CFAP47: variants seen among roughly 807,000 people sequenced by gnomAD.
The protein encoded by CFAP47 is cilia and flagella associated protein 47.
In CFAP47, 29 loss-of-function variants were observed where a neutral mutation model predicts 148.1. The observed-to-expected ratio is 0.20, with a 90% CI of 0.15 to 0.27. The LOEUF (loss-of-function observed/expected upper bound fraction) is 0.27. Ranked by LOEUF, CFAP47 falls within the 10% of genes least tolerant of loss-of-function variation. CFAP47 has a pLI of 1.00. For missense variants in CFAP47, 1,872 were observed against 1,697.5 expected, an observed-to-expected ratio of 1.10 and a Z score of -1.81; for synonymous variants, 664 against 577.3, an observed-to-expected ratio of 1.15 and a Z score of -2.15.
At chrX:35,924,246 TGC>T (rs1491080055) in intron 1 of CFAP47, among the ~76,000 whole-genome samples, 1 of 90,728 alleles carries the variant, frequency 1.1e-5, no homozygotes, top group Admixed American at 1.2e-4. Flanking sequence ...CATGTATGTG[TGC>T]ATATGGACAT....
At chrX:36,236,174 G>A in intron 47 of CFAP47, 97 bp downstream of exon 47, 3 of 334,164 alleles carry the variant, frequency 9.0e-6, no homozygotes, top group Non-Finnish European at 1.6e-5. Context: ...TAGTACAACT[G>A]TTTAGTAGAA....
intron 47 of CFAP47, 65 bp from the exon 48 acceptor site, chrX:36,236,621 A>G: frequency 4.3e-6 from 2 of 470,163 alleles, no homozygotes; most frequent in Non-Finnish European, 7.6e-6. Context: ...AGAATAAGAT[A>G]GCAGAGGTTG....
intron 49 of CFAP47, among the ~76,000 whole-genome samples, chrX:36,266,232 C>A (rs781950979): frequency 9.1e-6 from 1 of 110,441 alleles, no homozygotes; most frequent in Non-Finnish European, 1.9e-5. Flanking sequence ...GTGACAGGCT[C>A]TTCAGCAGGG....
At chrX:36,185,865 A>G (rs782219584) in intron 40 of CFAP47, among the ~76,000 whole-genome samples, 26 of 111,341 alleles carry the variant, frequency 2.3e-4, no homozygotes, top group Non-Finnish European at 4.3e-4. Flanking sequence ...TAAGAACACT[A>G]ATTCTATTGG....
intron 51 of CFAP47, among the ~76,000 whole-genome samples, chrX:36,286,388 T>G (rs1340811729): frequency 9.2e-6 from 1 of 109,141 alleles, no homozygotes. Flanking sequence ...TAGAATTGAT[T>G]ACTTAGAATC....
chrX:36,052,608 A>G (rs914764637), intron 26 of CFAP47, among the ~76,000 whole-genome samples: 11 of 112,108 alleles, frequency 9.8e-5, no homozygotes, highest in Non-Finnish European at 2.1e-4. Flanking sequence ...TAAAACTGAG[A>G]ATATACAGCT....
intron 42 of CFAP47, among the ~76,000 whole-genome samples, chrX:36,193,518 A>T (rs782723228): frequency 9.0e-6 from 1 of 110,795 alleles, no homozygotes; most frequent in Admixed American, 9.7e-5. Context: ...TTGGGGAATG[A>T]GGATAACTAC....
rs778917425 is a variant in CFAP47, at chrX:35,939,041, T to C, written c.402-2242T>C. Among the ~76,000 whole-genome samples the C allele has an allele frequency of 2.7e-5, 3 of 111,568 alleles. No homozygotes were observed. The South Asian group carries it at 1.1e-3, about 42-fold the overall frequency. On this transcript the variant is annotated intron_variant, in intron 2 of 63. Transcript: ENST00000378653. ...CTATTTCTCCTTTTGTATAAATAAA[T>C]GGGAGAGGAATTGTGAAAAATGGGC...
intron 25 of CFAP47, among the ~76,000 whole-genome samples, chrX:36,041,783 G>A (rs957640184): frequency 2.7e-5 from 3 of 109,435 alleles, no homozygotes; most frequent in African/African-American, 1.0e-4. Context: ...ATAATTAGCC[G>A]GGCATGGTGG....
intron 29 of CFAP47, among the ~76,000 whole-genome samples, chrX:36,077,337 T>TGAATCTGTA (rs1937884177): frequency 9.4e-6 from 1 of 106,770 alleles, no homozygotes; most frequent in Admixed American, 1.0e-4. Context: ...GAAATAGCAG[T>TGAATCTGTA]GAATCTGTAG....
intron 51 of CFAP47, among the ~76,000 whole-genome samples, chrX:36,291,701 G>A (rs1556005579): frequency 1.8e-5 from 2 of 110,014 alleles, no homozygotes; most frequent in East Asian, 2.9e-4. Context: ...CATACCCCAC[G>A]ATTATTAAAT....
chrX:36,188,296 T>A (rs1356388729), intron 40 of CFAP47, among the ~76,000 whole-genome samples: 1 of 111,605 alleles, frequency 9.0e-6, no homozygotes, highest in African/African-American at 3.3e-5. Context: ...ACGTTTTGAG[T>A]CTTTGGATTA....
intron 45 of CFAP47, among the ~76,000 whole-genome samples, chrX:36,211,820 AAAT>A (rs1940105271): frequency 9.0e-6 from 1 of 111,573 alleles, no homozygotes; most frequent in African/African-American, 3.3e-5. Context: ...TAAAGAAAAA[AAAT>A]TGAAATGTAA....
chrX:36,337,094 G>A (rs1028675717), intron 57 of CFAP47, among the ~76,000 whole-genome samples: 2 of 112,307 alleles, frequency 1.8e-5, no homozygotes, highest in Non-Finnish European at 3.8e-5. Flanking sequence ...TTCCGAGCTA[G>A]TCAGTGAAGC....
intron 44 of CFAP47, among the ~76,000 whole-genome samples, chrX:36,204,652 A>G (rs1555988595): frequency 9.0e-6 from 1 of 111,612 alleles, no homozygotes; most frequent in Non-Finnish European, 1.9e-5. Context: ...ACTAAAGGAG[A>G]AAAGCACTTT....
chrX:36,147,598 G>A (rs1210945954), intron 36 of CFAP47, among the ~76,000 whole-genome samples: 1 of 112,189 alleles, frequency 8.9e-6, no homozygotes, highest in Non-Finnish European at 1.9e-5. Flanking sequence ...CCACAGTGGG[G>A]TACCACACTA....
At chrX:36,045,714 C>T (rs772264361) in intron 25 of CFAP47, among the ~76,000 whole-genome samples, 2 of 112,142 alleles carry the variant, frequency 1.8e-5, no homozygotes, top group Non-Finnish European at 3.8e-5. Context: ...ATAGTAGTGG[C>T]TTCAATTAAA....
intron 49 of CFAP47, among the ~76,000 whole-genome samples, chrX:36,258,697 A>T (rs1940782689): frequency 8.9e-6 from 1 of 112,054 alleles, no homozygotes; most frequent in Admixed American, 9.5e-5. Context: ...ATGTTGCATA[A>T]ATAAAAGACT....
In CFAP47 at chrX:36,348,231, C is replaced by T; in HGVS notation, c.8546C>T (p.Ala2849Val). ...KTMVIIEMTKANGKYWPIDNF... is the reference protein window; with the variant it reads ...KTMVIIEMTKVNGKYWPIDNF... ...ATGGTTATTATTGAGATGACGAAAG[C>T]AAATGGAAAATATTGGCCTATTGAC... The change falls in exon 58 of 64, where the codon GCA becomes GTA. Residue 2849 changes from alanine to valine, a missense_variant. By Grantham distance (64) the Ala-to-Val change is moderately conservative. Transcript: ENST00000378653. 1 of 1,058,393 alleles carries T rather than the reference C, an allele frequency of 9.4e-7. No homozygotes were observed. Among genetic ancestry groups the T allele is most frequent in the Non-Finnish European group, 1.2e-6 (1 of 817,771 alleles). The allele number at this position is 1,058,393 out of a possible 1,213,427, so 87.2% of individuals were successfully genotyped here. A position where few individuals can be genotyped will look rare whatever the true frequency, so the allele number is the denominator to read the frequency against.
Sources: allele counts gnomAD v4.1 joint callset (sites outside exome capture counted in the v4.1 genomes callset), GRCh38; gene constraint gnomAD v4.1.1; transcripts MANE v1.5; gene names NCBI Gene and HGNC (gene_info 2026-07-23, HGNC 2026-07-21).